Variants in HIRA observed in about 807,000 individuals in gnomAD.
HIRA encodes the protein histone cell cycle regulator, also known as protein HIRA.
Under a neutral mutation model 126.6 loss-of-function variants are expected in HIRA, and 13 were observed. That is an observed-to-expected ratio of 0.10 (90% CI 0.07 to 0.16). The LOEUF is 0.16. Among genes scored for constraint, HIRA ranks in the 10% least tolerant of loss-of-function variants. HIRA has a pLI of 1.00. For synonymous variants in HIRA, 511 were observed against 520.0 expected (o/e 0.98, Z 0.24); for missense variants, 834 against 1,314.4 (o/e 0.63, Z 5.65).
At position 19,375,623 on chromosome 22, in the gene HIRA, C is replaced by A; in HGVS notation, c.1775+8G>T. Reference sequence around the variant, plus strand: ...CTGGTCCTTCAGGGTCCTGCAGCTACCACCTACCTTTCCACAGCTGTCGGA... The same window carrying A: ...CTGGTCCTTCAGGGTCCTGCAGCTAACACCTACCTTTCCACAGCTGTCGGA... On this transcript the variant is annotated splice_region_variant and intron_variant, in intron 15 of 24. Transcript: ENST00000263208. 6.2e-7 allele frequency: 1 copy of A among 1,614,108 alleles called. No individual in the cohort carries two copies. The highest frequency in any genetic ancestry group is 8.5e-7 in the Non-Finnish European group (1 of 1,179,964).
chr22:19,352,204 T>C (rs533298051), intron 23 of HIRA, among the ~76,000 whole-genome samples: 29 of 151,004 alleles, frequency 1.9e-4, no homozygotes, highest in Non-Finnish European at 3.8e-4. Context: ...AGGTGGAAGA[T>C]GGAGAAAGAG....
At chr22:19,381,769 T>C (rs1045035099) in intron 13 of HIRA, among the ~76,000 whole-genome samples, 7 of 152,202 alleles carry the variant, frequency 4.6e-5, no homozygotes, top group Admixed American at 6.5e-5. Flanking sequence ...TGATATATTA[T>C]GTTCATTTCA....
intron 16 of HIRA, 43 bp from the exon 17 acceptor site, chr22:19,361,384 C>T (rs756384563): frequency 7.8e-6 from 12 of 1,546,854 alleles, no homozygotes; most frequent in South Asian, 3.3e-5. Context: ...TCTAACACTA[C>T]GGGGTAGCAT....
intron 24 of HIRA, among the ~76,000 whole-genome samples, chr22:19,339,625 G>A: frequency 7.0e-6 from 1 of 143,844 alleles, no homozygotes; most frequent in African/African-American, 2.6e-5. Flanking sequence ...GACAGAGCGA[G>A]ACTCCGTCTC....
At chr22:19,340,479 C>T (rs1316345580) in intron 24 of HIRA, among the ~76,000 whole-genome samples, 2 of 152,044 alleles carry the variant, frequency 1.3e-5, no homozygotes, top group Non-Finnish European at 2.9e-5. Flanking sequence ...CCCACTGTCA[C>T]CACTGCTATT....
In HIRA at chr22:19,359,481, T is replaced by C; in HGVS notation, c.2089A>G (p.Ser697Gly). The change falls in exon 18 of 25, where the codon AGC becomes GGC. Residue 697 changes from serine (S) to glycine (G), a missense_variant. Physicochemically the swap from Ser to Gly is moderately conservative, Grantham distance 56. Around this residue, in one of 5 missense-constraint regions of HIRA, gnomAD observed 468 missense variants for 574.2 expected, o/e 0.82. Transcript: ENST00000263208. Reference sequence around the variant, plus strand: ...TCAATGTACATGGAAGGATCGGAGCTGACCTGGATGAAGTAAACACACGGG... The same window carrying C: ...TCAATGTACATGGAAGGATCGGAGCCGACCTGGATGAAGTAAACACACGGG... ...SPQRAFTLQV[S>G]SDPSMYIEVE... The C allele has an allele frequency of 6.2e-7, 1 of 1,601,822 alleles. No individual in the cohort carries two copies. Among genetic ancestry groups the C allele is most frequent in the Non-Finnish European group, 8.5e-7 (1 of 1,174,342 alleles).
At chr22:19,403,101 CAA>C (rs199777922) in intron 5 of HIRA, among the ~76,000 whole-genome samples, 18 of 70,598 alleles carry the variant, frequency 2.5e-4, no homozygotes, top group Admixed American at 3.4e-4. Flanking sequence ...GACACAGTCT[CAA>C]AAAAAAAAAA....
chr22:19,394,214 A>T, intron 8 of HIRA, 128 bp downstream of exon 8: 1 of 1,151,472 alleles, frequency 8.7e-7, no homozygotes, highest in Non-Finnish European at 1.2e-6. Context: ...CCAATAAATC[A>T]ACCAAGTACA....
chr22:19,427,152 C>T (rs2089494792), intron 1 of HIRA, among the ~76,000 whole-genome samples: 1 of 152,206 alleles, frequency 6.6e-6, no homozygotes, highest in Admixed American at 6.5e-5. Flanking sequence ...GGCTGTCCTG[C>T]ATGCTATACG....
chr22:19,342,099 C>G (rs1433005264), intron 24 of HIRA, among the ~76,000 whole-genome samples: 1 of 152,080 alleles, frequency 6.6e-6, no homozygotes, highest in Non-Finnish European at 1.5e-5. Flanking sequence ...TCAAACAAAT[C>G]AGCAAGATAA....
At position 19,355,841 on chromosome 22, in the gene HIRA, A is replaced by G. The variant is rs907005315; in HGVS notation, c.2480T>C (p.Ile827Thr). The change falls in exon 21 of 25, where the codon ATC becomes ACC. Residue 827 changes from isoleucine to threonine, a missense_variant. By Grantham distance (89) the Ile-to-Thr change is moderately conservative. Coordinates refer to ENST00000263208, the MANE Select transcript of HIRA (RefSeq NM_003325.4). The part of the protein sequence containing the change: ...LAGSDMTVSQ[I>T]LLTQHGIPVM... ...TGGGATTCCATGCTGCGTCAGCAAG[A>G]TCTGTGATACCGTCATATCACTTCC... 1.2e-6 allele frequency: 2 copies of G among 1,613,570 alleles called. No individual in the cohort carries two copies. Among genetic ancestry groups the G allele is most frequent in the Non-Finnish European group, 1.7e-6 (2 of 1,179,500 alleles).
chr22:19,399,194 T>G, intron 5 of HIRA: 1 of 977,076 alleles, frequency 1.0e-6, no homozygotes, highest in Middle Eastern at 5.2e-4. Context: ...GGTGCAGTGC[T>G]AGGTATACAG....
At chr22:19,411,858 T>C (rs887298173) in intron 1 of HIRA, among the ~76,000 whole-genome samples, 1 of 152,198 alleles carries the variant, frequency 6.6e-6, no homozygotes, top group Admixed American at 6.5e-5. Flanking sequence ...GTCTGAGAAC[T>C]GTGAAGTCCT....
chr22:19,407,927 C>T (rs1009229453), intron 3 of HIRA, among the ~76,000 whole-genome samples: 11 of 152,136 alleles, frequency 7.2e-5, no homozygotes, highest in African/African-American at 2.7e-4. Flanking sequence ...CCACATGGCC[C>T]GTGAGTAACA....
chr22:19,388,588 T>C, intron 9 of HIRA, 34 bp from the exon 10 acceptor site: 1 of 1,554,520 alleles, frequency 6.4e-7, no homozygotes, highest in East Asian at 2.2e-5. Context: ...GTTAATGAAA[T>C]TACTGAAATC....
At chr22:19,368,084 G>C (rs553867250) in intron 15 of HIRA, among the ~76,000 whole-genome samples, 1 of 152,116 alleles carries the variant, frequency 6.6e-6, no homozygotes, top group African/African-American at 2.4e-5. Flanking sequence ...GTGAACTCCT[G>C]TCTAGTATCC....
intron 24 of HIRA, among the ~76,000 whole-genome samples, chr22:19,331,768 A>T (rs1195746557): frequency 6.6e-6 from 1 of 152,206 alleles, no homozygotes; most frequent in Non-Finnish European, 1.5e-5. Context: ...GGGATAAAGG[A>T]GGATGAGGCC....
chr22:19,415,177 G>C (rs1222356819), intron 1 of HIRA, among the ~76,000 whole-genome samples: 12 of 152,004 alleles, frequency 7.9e-5, no homozygotes, highest in Non-Finnish European at 1.5e-5. Flanking sequence ...CTTAAATGTA[G>C]AAAACCCTAA....
chr22:19,392,164 C>T lies in HIRA; in HGVS notation c.873G>A (p.Ala291=), dbSNP rs774462119. ...AGCAGCAGTACGGGCAGCTAGGCTT[C>T]GCAGAACTCCCATTCTTCTGCTTCT... is the stretch of plus-strand genomic sequence containing the variant. ...FKKKQKNGSS[A]KPSCPYCCCA... is the part of the protein sequence containing the mutation. The change falls in exon 9 of 25, where the codon GCG becomes GCA. Residue 291 remains alanine (A), a synonymous_variant. Transcript: ENST00000263208. The T allele has an allele frequency of 2.6e-5, 42 of 1,608,742 alleles. No homozygotes were observed. The East Asian group carries it at 4.2e-4, about 16-fold the overall frequency.
Sources: allele counts gnomAD v4.1 joint callset (sites outside exome capture counted in the v4.1 genomes callset), GRCh38; gene constraint gnomAD v4.1.1; regional missense constraint gnomAD v4.1.1; transcripts MANE v1.5; gene names NCBI Gene and HGNC (gene_info 2026-07-23, HGNC 2026-07-21).